Variants in SP6 observed in about 807,000 individuals in gnomAD.
SP6 encodes transcription factor Sp6.
A neutral mutation model predicts 23.4 loss-of-function variants in SP6; 10 were observed. The ratio of observed to expected loss-of-function variants is 0.43; its 90% confidence interval spans 0.26 to 0.72. The LOEUF (loss-of-function observed/expected upper bound fraction) is 0.72, where lower values mean the gene tolerates loss of function less well. Ranked by LOEUF, SP6 falls within the 30% of genes least tolerant of loss-of-function variation. SP6 has a pLI of 0.23. For missense variants in SP6, 482 were observed against 523.8 expected (o/e 0.92, Z 0.78); for synonymous variants, 238 against 238.7 (o/e 1.00, Z 0.03).
chr17:47,862,288 G>C, the SP6 span, among the ~76,000 whole-genome samples: 1 of 147,050 alleles, frequency 6.8e-6, no homozygotes, highest in Non-Finnish European at 1.5e-5. Flanking sequence ...AGGTTGCAAT[G>C]AACTGAGATC....
rs1379613682 is a variant in SP6, at chr17:47,848,636, G to T, written c.-57-150C>A. On this transcript the variant is annotated intron_variant, in intron 1 of 1. Transcript: ENST00000536300. The surrounding 1 kb of genome is among the most constrained non-coding windows in gnomAD (Gnocchi z 5.3). ...GAGTTTAGAGAATTCGGGAGTGCGA[G>T]GAAGGGTCCAAGATGTGAGGTTCTC... 1.9e-6 allele frequency: 1 copy of T among 534,958 alleles called. No homozygotes were observed. Among genetic ancestry groups the T allele is most frequent in the Non-Finnish European group, 3.3e-6 (1 of 301,808 alleles). The allele number at this position is 534,958 out of a possible 1,614,324, so 33.1% of individuals were successfully genotyped here.
rs996822211 is a variant in SP6 at position 47,847,355 on chromosome 17, G to A, written c.1075C>T (p.Pro359Ser). 15 of 1,603,640 alleles carry A rather than the reference G, an allele frequency of 9.4e-6. No individual in the cohort carries two copies. The highest frequency in any genetic ancestry group is 2.2e-5 in the South Asian group (2 of 90,174). The change falls in exon 2 of 2, where the codon CCC (proline) becomes TCC (serine). Residue 359 changes from proline (P) to serine (S), a missense_variant. Coordinates refer to ENST00000536300, the MANE Select transcript of SP6 (RefSeq NM_001258248.2). Reference protein sequence around the residue: ...GEGKAGGAVEPPGGKGKREAE... With the variant: ...GEGKAGGAVESPGGKGKREAE... ...TCGCGTTTGCCTTTGCCCCCGGGGG[G>A]CTCCACTGCGCCGCCGGCCTTGCCC...
chr17:47,850,430 T>C (rs1598060838), intron 1 of SP6, among the ~76,000 whole-genome samples: 1 of 152,084 alleles, frequency 6.6e-6, no homozygotes, highest in African/African-American at 2.4e-5. Context: ...GAGCCACCCT[T>C]AGGTGGCAAC....
In SP6 at chr17:47,847,628, T is replaced by G; in HGVS notation, c.802A>C (p.Thr268Pro). 1 of 1,613,462 alleles carries G rather than the reference T, an allele frequency of 6.2e-7. No homozygotes were observed. Among genetic ancestry groups the G allele is most frequent in the Non-Finnish European group, 8.5e-7 (1 of 1,179,900 alleles). The change falls in exon 2 of 2, where the codon ACG (threonine) becomes CCG (proline). Residue 268 changes from threonine (T) to proline (P), a missense_variant. Thr to Pro is a conservative substitution (Grantham distance 38). Transcript: ENST00000536300. ...IPGCGKAYAK[T>P]SHLKAHLRWH... is the part of the protein sequence containing the mutation. ...CGCAGGTGCGCCTTCAGGTGCGACG[T>G]CTTGGCGTAGGCTTTCCCGCAGCCC...
chr17:47,848,979 C>A lies in SP6; in HGVS notation c.-57-493G>T, dbSNP rs931356236. On this transcript the variant is annotated intron_variant, in intron 1 of 1. Transcript: ENST00000536300. This position sits in a 1 kb window ranked among gnomAD's most constrained non-coding sequence, Gnocchi z 5.3. ...TTCAGGTGACCTGCCCCTCATAAAG[C>A]CTCAAACGGGTCCTGAGTCTTTGAA... 5.4e-4 allele frequency among the ~76,000 whole-genome samples: 82 copies of A among 152,292 alleles called. No individual in the cohort carries two copies. Among genetic ancestry groups the A allele is most frequent in the Middle Eastern group, 3.4e-3 (1 of 294 alleles).
At chr17:47,870,611 A>C in the SP6 span, among the ~76,000 whole-genome samples, 1 of 152,252 alleles carries the variant, frequency 6.6e-6, no homozygotes, top group East Asian at 1.9e-4. Context: ...AGATCAGATC[A>C]GTTTACGGGG....
At chr17:47,856,994 C>T (rs187984693), upstream of SP6, among the ~76,000 whole-genome samples, 16 of 152,178 alleles carry the variant, frequency 1.1e-4, 1 homozygote, top group African/African-American at 3.9e-4. Flanking sequence ...AAGGCCCTGA[C>T]AGGTCCTTCC....
chr17:47,860,982 T>A, the SP6 span, among the ~76,000 whole-genome samples: 131 of 152,148 alleles, frequency 8.6e-4, 2 homozygotes, highest in Middle Eastern at 0.02. Context: ...TCCAGCAGGA[T>A]CCCACGAGAG....
the SP6 span, chr17:47,863,563 TCTTC>T: frequency 2.3e-5 from 1 of 44,028 alleles, no homozygotes; most frequent in Non-Finnish European, 3.8e-5. Flanking sequence ...CTGGACTTCT[TCTTC>T]TTTTTTTTTT....
upstream of SP6, among the ~76,000 whole-genome samples, chr17:47,858,767 CTTTT>C (rs36092685): frequency 1.9e-4 from 18 of 92,648 alleles, 2 homozygotes; most frequent in African/African-American, 4.4e-4. Flanking sequence ...GATGAAGCAT[CTTTT>C]TTTTTTTTTT....
At chr17:47,872,815 A>G in the SP6 span, among the ~76,000 whole-genome samples, 1 of 151,866 alleles carries the variant, frequency 6.6e-6, no homozygotes, top group Non-Finnish European at 1.5e-5. Context: ...GAGCCGTAGG[A>G]GGCCCCAGCC....
the SP6 span, among the ~76,000 whole-genome samples, chr17:47,868,498 G>A: frequency 2.6e-5 from 4 of 152,172 alleles, no homozygotes; most frequent in African/African-American, 9.7e-5. Context: ...TCATACGTGG[G>A]CAGCCAACCC....
At chr17:47,862,426 TGAACCTGG>T in the SP6 span, among the ~76,000 whole-genome samples, 1 of 150,078 alleles carries the variant, frequency 6.7e-6, no homozygotes, top group Non-Finnish European at 1.5e-5. Context: ...GAGAATCGTT[TGAACCTGG>T]GAAGTGAAGG....
chr17:47,868,783 G>A, the SP6 span, among the ~76,000 whole-genome samples: 6 of 152,196 alleles, frequency 3.9e-5, no homozygotes, highest in Admixed American at 3.9e-4. Context: ...GGGGAGGGAG[G>A]AGAAGGGTTC....
the SP6 span, among the ~76,000 whole-genome samples, chr17:47,861,087 C>T: frequency 6.6e-6 from 1 of 152,240 alleles, no homozygotes; most frequent in Non-Finnish European, 1.5e-5. Flanking sequence ...GGGCCGGTCT[C>T]ATTGTTGTGG....
chr17:47,868,186 C>T, the SP6 span, among the ~76,000 whole-genome samples: 1 of 152,130 alleles, frequency 6.6e-6, no homozygotes, highest in Non-Finnish European at 1.5e-5. Context: ...GCCAACAGGC[C>T]CCCAAACACT....
upstream of SP6, among the ~76,000 whole-genome samples, chr17:47,858,727 C>G (rs2034014953): frequency 6.7e-6 from 1 of 150,280 alleles, no homozygotes; most frequent in Non-Finnish European, 1.5e-5. Context: ...TACCCACCAA[C>G]CTAAGCTTTC....
the SP6 span, among the ~76,000 whole-genome samples, chr17:47,871,916 C>T: frequency 6.0e-4 from 92 of 152,320 alleles, no homozygotes; most frequent in African/African-American, 2.0e-3. Flanking sequence ...CCACCGCGCC[C>T]GGCCTCTGGT....
At chr17:47,875,301 C>G in the SP6 span, among the ~76,000 whole-genome samples, 1 of 152,176 alleles carries the variant, frequency 6.6e-6, no homozygotes, top group Non-Finnish European at 1.5e-5. Context: ...CCCTTGCCAC[C>G]CTCAGAATGC....
Sources: gnomAD v4.1 joint callset for allele counts (sites outside exome capture counted in the v4.1 genomes callset) on GRCh38, gnomAD v4.1.1 for gene constraint, Gnocchi (gnomAD v3.1) non-coding constraint, MANE v1.5 for transcripts, NCBI Gene and HGNC (gene_info 2026-07-23, HGNC 2026-07-21) for gene names.